Variants in FAM227B observed in about 807,000 individuals in gnomAD.
FAM227B encodes family with sequence similarity 227 member B.
In FAM227B, 88 loss-of-function variants were observed where a neutral mutation model predicts 73.8. That is an observed-to-expected ratio of 1.19 (90% CI 1.00 to 1.42). The LOEUF is 1.42. Ranked by LOEUF, FAM227B falls within the 40% of genes most tolerant of loss-of-function variation. The probability of loss-of-function intolerance (pLI) is 0.00; values close to 1 mark genes in which losing one functional copy is unlikely to be tolerated. For missense variants in FAM227B, 632 were observed against 590.9 expected (o/e 1.07, Z -0.72); for synonymous variants, 210 against 190.5 (o/e 1.10, Z -0.84).
intron 9 of FAM227B, among the ~76,000 whole-genome samples, chr15:49,546,128 G>A (rs946217979): frequency 7.2e-5 from 11 of 151,788 alleles, no homozygotes; most frequent in African/African-American, 2.7e-4. Flanking sequence ...CCCACAACAG[G>A]CCCCGGTGTG....
chr15:49,392,020 G>A (rs1236671427), intron 11 of FAM227B, among the ~76,000 whole-genome samples: 2 of 151,976 alleles, frequency 1.3e-5, no homozygotes, highest in Admixed American at 6.6e-5. Context: ...AGTAGACAAC[G>A]AGAAAAACAC....
chr15:49,508,754 A>T (rs1307880911), intron 10 of FAM227B, among the ~76,000 whole-genome samples: 2 of 152,148 alleles, frequency 1.3e-5, no homozygotes, highest in African/African-American at 4.8e-5. Flanking sequence ...TAATTTTCTA[A>T]ATGTTTTTAG....
At chr15:49,481,678 T>A (rs12913643) in intron 11 of FAM227B, among the ~76,000 whole-genome samples, 7,965 of 152,284 alleles carry the variant, frequency 0.052, 356 homozygotes, top group East Asian at 0.23. Flanking sequence ...AAACCAGGGC[T>A]GTTTTTCTTA....
chr15:49,448,816 T>C (rs1321793865), intron 11 of FAM227B, among the ~76,000 whole-genome samples: 2 of 151,772 alleles, frequency 1.3e-5, no homozygotes, highest in African/African-American at 2.4e-5. Context: ...TGGCAAAACT[T>C]TTCTTGAAGC....
chr15:49,590,694 ATCTAC>A (rs2076470827), intron 3 of FAM227B, among the ~76,000 whole-genome samples: 2 of 152,156 alleles, frequency 1.3e-5, no homozygotes, highest in South Asian at 4.1e-4. Flanking sequence ...AACATTTAAG[ATCTAC>A]TCTATTAGCA....
intron 10 of FAM227B, among the ~76,000 whole-genome samples, chr15:49,508,600 T>C (rs1344390735): frequency 1.3e-5 from 2 of 152,010 alleles, no homozygotes; most frequent in African/African-American, 4.8e-5. Flanking sequence ...AATGGGAAAG[T>C]ATGACACAAA....
At chr15:49,524,326 T>G (rs569202439) in intron 10 of FAM227B, among the ~76,000 whole-genome samples, 19 of 150,050 alleles carry the variant, frequency 1.3e-4, no homozygotes, top group Admixed American at 5.3e-4. Flanking sequence ...GGGGCTCGAG[T>G]GGTTTGTTCA....
intron 11 of FAM227B, among the ~76,000 whole-genome samples, chr15:49,401,547 C>T (rs1186519800): frequency 4.7e-5 from 7 of 150,442 alleles, no homozygotes; most frequent in African/African-American, 1.7e-4. Context: ...AAGACACATG[C>T]ACATGTATGT....
In FAM227B at chr15:49,405,088, T is replaced by A. The variant is rs1290717457; in HGVS notation, c.1013-33689A>T. Among the ~76,000 whole-genome samples the A allele has an allele frequency of 2.0e-5, 3 of 152,194 alleles. No individual in the cohort carries two copies. The East Asian group carries it at 5.8e-4, about 29-fold the overall frequency. On this transcript the variant is annotated intron_variant, in intron 11 of 15. Coordinates refer to ENST00000299338, the MANE Select transcript of FAM227B (RefSeq NM_152647.3). Reference sequence around the variant, plus strand: ...ATGTTGAATATTGGCCCCCAATCTCTTCTGGCTTGTAGGGTTTCTGCTGAG... The same window carrying A: ...ATGTTGAATATTGGCCCCCAATCTCATCTGGCTTGTAGGGTTTCTGCTGAG...
intron 3 of FAM227B, among the ~76,000 whole-genome samples, chr15:49,609,433 T>C (rs896520756): frequency 6.6e-6 from 1 of 151,858 alleles, no homozygotes; most frequent in East Asian, 1.9e-4. Flanking sequence ...AAAGATTAAG[T>C]AGAAGACAAG....
intron 5 of FAM227B, among the ~76,000 whole-genome samples, chr15:49,587,058 T>C (rs568069368): frequency 2.0e-5 from 3 of 152,224 alleles, no homozygotes; most frequent in South Asian, 2.1e-4. Context: ...CTATTCACAA[T>C]AGCAAAGGCA....
In FAM227B at chr15:49,399,096, C is replaced by T. The variant is rs368060748; in HGVS notation, c.1013-27697G>A. 4.0e-3 allele frequency among the ~76,000 whole-genome samples: 562 copies of T among 142,162 alleles called. 5 individuals are homozygous for T. The highest frequency in any genetic ancestry group is 0.014 in the African/African-American group (522 of 38,414). 93.3% of individuals were successfully genotyped at this position (142,162 alleles called of 152,430 possible). A position where few individuals can be genotyped will look rare whatever the true frequency, so the allele number is the denominator to read the frequency against. ...GAAAGGATCAACAAAATTGATAGAC[C>T]GCTAGCAAGACTAATAAAGAAAAAA... On this transcript the variant is annotated intron_variant, in intron 11 of 15. Coordinates refer to ENST00000299338, the MANE Select transcript of FAM227B (RefSeq NM_152647.3).
At chr15:49,336,770 C>T (rs2039788783) in intron 13 of FAM227B, among the ~76,000 whole-genome samples, 1 of 152,018 alleles carries the variant, frequency 6.6e-6, no homozygotes, top group Non-Finnish European at 1.5e-5. Context: ...GTATATTTCA[C>T]GATATTGAGG....
rs139561859 is a variant in FAM227B at position 49,543,167 on chromosome 15, T to C, written c.748-1361A>G. Among the ~76,000 whole-genome samples, 222 of 152,258 alleles carry C rather than the reference T, an allele frequency of 1.5e-3. 2 individuals carry two copies. The highest frequency in any genetic ancestry group is 5.2e-3 in the Admixed American group (80 of 15,270). ...CCTTTTCACCACACCCATGCCAACA[T>C]ATATTATTTTTGGATTTTTTACTTA... is the stretch of plus-strand genomic sequence containing the variant. On this transcript the variant is annotated intron_variant, in intron 9 of 15. Transcript: ENST00000299338.
intron 15 of FAM227B, chr15:49,328,945 C>G (rs1213041044): frequency 8.9e-7 from 1 of 1,121,708 alleles, no homozygotes; most frequent in Non-Finnish European, 1.1e-6. Context: ...CTCTTCTATT[C>G]ACATTGAAAT....
At chr15:49,438,744 A>T (rs530140421) in intron 11 of FAM227B, among the ~76,000 whole-genome samples, 26 of 151,606 alleles carry the variant, frequency 1.7e-4, no homozygotes, top group African/African-American at 5.8e-4. Flanking sequence ...TTGTTTTTGT[A>T]TTTGTTTTAT....
chr15:49,446,449 T>C (rs1362919146), intron 11 of FAM227B, among the ~76,000 whole-genome samples: 1 of 151,598 alleles, frequency 6.6e-6, no homozygotes, highest in South Asian at 2.1e-4. Context: ...GTAAGTTTCA[T>C]ATGAACAAAG....
chr15:49,569,523 G>T lies in FAM227B; in HGVS notation c.646-1177C>A, dbSNP rs565018311. 2.4e-4 allele frequency among the ~76,000 whole-genome samples: 36 copies of T among 151,818 alleles called. 1 individual carries two copies. The South Asian group carries it at 7.5e-3, about 32-fold the overall frequency. The stretch of plus-strand genomic sequence containing the variant: ...TATTTTGAACGTATAAATCATAATT[G>T]TGTTTATTTATAGGGTACAATGTAT... On this transcript the variant is annotated intron_variant, in intron 8 of 15. Transcript: ENST00000299338.
intron 11 of FAM227B, among the ~76,000 whole-genome samples, chr15:49,439,816 C>A (rs1343725185): frequency 6.6e-6 from 1 of 151,642 alleles, no homozygotes; most frequent in African/African-American, 2.4e-5. Context: ...TGCTTAAAAT[C>A]ACACTAATGG....
Sources: gnomAD v4.1 joint callset for allele counts (sites outside exome capture counted in the v4.1 genomes callset) on GRCh38, gnomAD v4.1.1 for gene constraint, MANE v1.5 for transcripts, NCBI Gene and HGNC (gene_info 2026-07-23, HGNC 2026-07-21) for gene names.